The following PSMA5 variants were observed in gnomAD, a reference collection of about 807,000 sequenced individuals.
The protein encoded by PSMA5 is proteasome subunit alpha type-5.
Under a neutral mutation model 34.5 loss-of-function variants are expected in PSMA5, and 3 were observed. The observed-to-expected ratio is 0.09, with a 90% CI of 0.04 to 0.22. The LOEUF (loss-of-function observed/expected upper bound fraction) is 0.22, where lower values mean the gene tolerates loss of function less well. Ranked by LOEUF, PSMA5 falls within the 10% of genes least tolerant of loss-of-function variation. PSMA5 has a pLI of 1.00. For synonymous variants in PSMA5, 88 were observed against 95.8 expected (o/e 0.92, Z 0.47); for missense variants, 120 against 286.1 (o/e 0.42, Z 4.19).
chr1:109,408,678 C>T (rs1457783429), intron 8 of PSMA5, among the ~76,000 whole-genome samples: 1 of 151,932 alleles, frequency 6.6e-6, no homozygotes, highest in Non-Finnish European at 1.5e-5. Context: ...CCTAACCTCT[C>T]CTTTTATTTC....
intron 1 of PSMA5, chr1:109,425,920 C>G: frequency 3.7e-6 from 1 of 267,742 alleles, no homozygotes; most frequent in Non-Finnish European, 7.3e-6. Context: ...TTCCAGGAAG[C>G]ACGTTTAACT....
intron 1 of PSMA5, among the ~76,000 whole-genome samples, chr1:109,422,782 T>C (rs1242603535): frequency 6.6e-6 from 1 of 152,214 alleles, no homozygotes; most frequent in Non-Finnish European, 1.5e-5. Flanking sequence ...TAATTATTAC[T>C]TTTTACTAAA....
intron 2 of PSMA5, among the ~76,000 whole-genome samples, chr1:109,417,480 C>A (rs1222401401): frequency 6.6e-6 from 1 of 152,162 alleles, no homozygotes; most frequent in African/African-American, 2.4e-5. Flanking sequence ...TTCCCGGATC[C>A]CCTCCCCTAT....
At chr1:109,419,997 T>A (rs1481660391) in intron 2 of PSMA5, among the ~76,000 whole-genome samples, 1 of 150,906 alleles carries the variant, frequency 6.6e-6, no homozygotes, top group Non-Finnish European at 1.5e-5. Flanking sequence ...AAAGGAATCC[T>A]TAATAGGACA....
intron 1 of PSMA5, 89 bp downstream of exon 1, chr1:109,426,213 C>T (rs1224530952): frequency 1.9e-6 from 3 of 1,549,614 alleles, no homozygotes; most frequent in African/African-American, 1.4e-5. Context: ...CCTGGGGAGC[C>T]CCATGACACG....
chr1:109,419,110 G>A (rs1006290667), intron 2 of PSMA5, among the ~76,000 whole-genome samples: 1 of 152,076 alleles, frequency 6.6e-6, no homozygotes, highest in Non-Finnish European at 1.5e-5. Flanking sequence ...CCGAGATCAC[G>A]CCATTGCACT....
Position 109,401,818 on chromosome 1 carries a change from AGAC to A in PSMA5, c.*192_*194del. On this transcript the variant is annotated 3_prime_UTR_variant, in exon 9 of 9. Coordinates refer to ENST00000271308, the MANE Select transcript of PSMA5 (RefSeq NM_002790.4). ...TCTCTTAAAAAAAAAAAAAAAAAAAAGACTATTAGAAGAGAACAGTCTATTAAC... is the reference window on the plus strand; with the variant it reads ...TCTCTTAAAAAAAAAAAAAAAAAAAATATTAGAAGAGAACAGTCTATTAAC... The A allele has an allele frequency of 5.5e-6, 2 of 363,442 alleles. No homozygotes were observed. The highest frequency in any genetic ancestry group is 4.9e-6 in the Non-Finnish European group (1 of 205,438). The allele number at this position is 363,442 out of a possible 1,614,324, so 22.5% of individuals were successfully genotyped here.
intron 2 of PSMA5, among the ~76,000 whole-genome samples, chr1:109,418,500 G>A (rs1280950371): frequency 1.3e-5 from 2 of 152,100 alleles, no homozygotes; most frequent in Non-Finnish European, 2.9e-5. Context: ...AATTTTTTGT[G>A]AAGACAAAGT....
chr1:109,403,011 G>T (rs1276879260), intron 8 of PSMA5, among the ~76,000 whole-genome samples: 1 of 152,016 alleles, frequency 6.6e-6, no homozygotes, highest in East Asian at 1.9e-4. Flanking sequence ...GGCCTGTTAC[G>T]TTTTTTTAAA....
chr1:109,408,695 CTT>C (rs35993517), intron 8 of PSMA5, among the ~76,000 whole-genome samples: 1 of 145,980 alleles, frequency 6.9e-6, no homozygotes, highest in Non-Finnish European at 1.5e-5. Context: ...TTTCTTTCAG[CTT>C]TTTTTTTTTT....
At chr1:109,425,846 G>A (rs143903713) in intron 1 of PSMA5, 9 of 165,092 alleles carry the variant, frequency 5.5e-5, no homozygotes, top group Non-Finnish European at 1.0e-4. Flanking sequence ...AGCTACGACT[G>A]CCTTCGCGCT....
At chr1:109,406,819 T>A (rs889454156) in intron 8 of PSMA5, among the ~76,000 whole-genome samples, 28 of 152,186 alleles carry the variant, frequency 1.8e-4, no homozygotes, top group African/African-American at 6.8e-4. Flanking sequence ...TGACAGATAC[T>A]GGGGGTTGTA....
At chr1:109,412,040 G>T in intron 5 of PSMA5, 37 bp downstream of exon 5, 1 of 1,595,932 alleles carries the variant, frequency 6.3e-7, no homozygotes, top group South Asian at 1.1e-5. Context: ...AAGTCCCATA[G>T]AACAATAAGA....
chr1:109,415,379 T>G lies in PSMA5; in HGVS notation c.97-16A>C. ...TAGAACCAAGCTAAAGAGAAACATGTTATGATTACCATATATAGGTCAAAT... is the reference window on the plus strand; with the variant it reads ...TAGAACCAAGCTAAAGAGAAACATGGTATGATTACCATATATAGGTCAAAT... On this transcript the variant is annotated splice_polypyrimidine_tract_variant and intron_variant, in intron 2 of 8. Transcript: ENST00000271308. The G allele has an allele frequency of 6.2e-7, 1 of 1,609,986 alleles. No individual in the cohort carries two copies. Among genetic ancestry groups the G allele is most frequent in the Non-Finnish European group, 8.5e-7 (1 of 1,177,682 alleles).
At chr1:109,425,990 T>C (rs1654640464) in intron 1 of PSMA5, 2 of 518,312 alleles carry the variant, frequency 3.9e-6, no homozygotes, top group Non-Finnish European at 7.0e-6. Context: ...GAGCAAAGAG[T>C]GACCCTTGGC....
At chr1:109,404,172 T>C (rs1231376964) in intron 8 of PSMA5, among the ~76,000 whole-genome samples, 1 of 151,802 alleles carries the variant, frequency 6.6e-6, no homozygotes, top group African/African-American at 2.4e-5. Context: ...AAAAATACAA[T>C]AATTAGTCGG....
intron 3 of PSMA5, among the ~76,000 whole-genome samples, chr1:109,413,420 G>A (rs1029532198): frequency 1.1e-4 from 16 of 152,174 alleles, no homozygotes; most frequent in Admixed American, 6.5e-5. Context: ...ACATCCCTAA[G>A]CATCCCTTTA....
At chr1:109,416,068 T>G (rs1654181423) in intron 2 of PSMA5, among the ~76,000 whole-genome samples, 1 of 152,082 alleles carries the variant, frequency 6.6e-6, no homozygotes, top group African/African-American at 2.4e-5. Flanking sequence ...ACAATAATAA[T>G]AAGAAGGGTA....
chr1:109,414,118 T>C (rs1241234820), intron 3 of PSMA5, among the ~76,000 whole-genome samples: 1 of 152,262 alleles, frequency 6.6e-6, no homozygotes, highest in Non-Finnish European at 1.5e-5. Flanking sequence ...CTGCAGTTCA[T>C]GGCCCAGGCC....
Sources: allele counts gnomAD v4.1 joint callset (sites outside exome capture counted in the v4.1 genomes callset), GRCh38; gene constraint gnomAD v4.1.1; transcripts MANE v1.5; gene names NCBI Gene and HGNC (gene_info 2026-07-23, HGNC 2026-07-21).